The following IFT140 variants were observed in gnomAD, a reference collection of about 807,000 sequenced individuals.
IFT140 encodes the protein intraflagellar transport protein 140 homolog.
A neutral mutation model predicts 164.6 loss-of-function variants in IFT140; 133 were observed. That is an observed-to-expected ratio of 0.81 (90% CI 0.70 to 0.93). The LOEUF is 0.93. Among genes scored for constraint, IFT140 ranks in the 40% least tolerant of loss-of-function variants. The probability of loss-of-function intolerance (pLI) is 0.00; values close to 1 mark genes in which losing one functional copy is unlikely to be tolerated. For missense variants in IFT140, 2,045 were observed against 1,972.3 expected, an observed-to-expected ratio of 1.04 and a Z score of -0.70; for synonymous variants, 860 against 817.3, an observed-to-expected ratio of 1.05 and a Z score of -0.89.
chr16:1,583,348 G>A lies in IFT140; in HGVS notation c.1398C>T (p.Ile466=). 1 of 1,614,168 alleles carries A rather than the reference G, an allele frequency of 6.2e-7. No homozygotes were observed. ...VAVWNGRQVA[I]FELSGAAIRS... is the part of the protein sequence containing the mutation. The stretch of plus-strand genomic sequence containing the variant: ...GTATCGCGGCTCCAGAAAGCTCGAA[G>A]ATCGCCACCTGCCTTCCGTTCCAGA... Residue 466 remains isoleucine (I), a synonymous_variant, in exon 12 of 31, where the codon ATC becomes ATT. Transcript: ENST00000426508.
At chr16:1,545,763 G>C (rs896380011) in intron 19 of IFT140, among the ~76,000 whole-genome samples, 1 of 152,224 alleles carries the variant, frequency 6.6e-6, no homozygotes, top group Admixed American at 6.5e-5. Context: ...TGAAAGGAAG[G>C]CTCCTTGTCA....
At chr16:1,584,013 G>A (rs2034725520) in intron 11 of IFT140, among the ~76,000 whole-genome samples, 1 of 152,194 alleles carries the variant, frequency 6.6e-6, no homozygotes, top group Non-Finnish European at 1.5e-5. Flanking sequence ...GGGATTACAG[G>A]CGTCAGCCAC....
chr16:1,532,530 G>A lies in IFT140; in HGVS notation c.2400-5734C>T, dbSNP rs553250776. 4.6e-5 allele frequency: 7 copies of A among 152,382 alleles called. No homozygotes were observed. The East Asian group carries it at 1.4e-3, about 29-fold the overall frequency. 9.4% of individuals were successfully genotyped at this position (152,382 alleles called of 1,614,324 possible). ...CTGGTCCCAGGAAGTGGCAGCTCTC[G>A]GGACCGCCCTGAGCCAGGGCCCAAG... is the stretch of plus-strand genomic sequence containing the variant. On this transcript the variant is annotated intron_variant, in intron 19 of 30. Coordinates refer to ENST00000426508, the MANE Select transcript of IFT140 (RefSeq NM_014714.4).
At chr16:1,528,315 GCACGCATGCACGCACGTGTGCACACA>G (rs879264522) in intron 19 of IFT140, among the ~76,000 whole-genome samples, 13,953 of 143,660 alleles carry the variant, frequency 0.097, 1,043 homozygotes, top group African/African-American at 0.19. Flanking sequence ...ACACACACAC[GCACGCATGCACGCACGTGTGCACACA>G]CACGCATGCA....
intron 19 of IFT140, among the ~76,000 whole-genome samples, chr16:1,539,532 C>T (rs527772021): frequency 5.3e-5 from 8 of 152,272 alleles, no homozygotes; most frequent in African/African-American, 9.6e-5. Flanking sequence ...GCTGTCCGTA[C>T]GGGAACCCCT....
At chr16:1,566,093 C>T (rs1486978123) in intron 16 of IFT140, 68 bp downstream of exon 16, 6 of 1,549,570 alleles carry the variant, frequency 3.9e-6, no homozygotes, top group Admixed American at 3.4e-5. Context: ...AGCAACAACC[C>T]GCCCAGAAGC....
intron 12 of IFT140, among the ~76,000 whole-genome samples, chr16:1,582,168 G>A (rs1374556205): frequency 6.6e-6 from 1 of 152,164 alleles, no homozygotes; most frequent in Non-Finnish European, 1.5e-5. Context: ...AAGATGCCAG[G>A]TCCTGCTCCC....
intron 19 of IFT140, among the ~76,000 whole-genome samples, chr16:1,549,588 C>A (rs1015378759): frequency 6.6e-6 from 1 of 152,258 alleles, no homozygotes; most frequent in Admixed American, 6.5e-5. Context: ...CCCGCCACCA[C>A]GCCCGGCTAA....
intron 19 of IFT140, chr16:1,541,403 G>A: frequency 1.0e-6 from 1 of 985,418 alleles, no homozygotes; most frequent in Non-Finnish European, 1.2e-6. Flanking sequence ...CTGCTGGGAG[G>A]AGGGAACACC....
chr16:1,545,348 C>T (rs1363201906), intron 19 of IFT140, among the ~76,000 whole-genome samples: 1 of 151,342 alleles, frequency 6.6e-6, no homozygotes, highest in Non-Finnish European at 1.5e-5. Flanking sequence ...TTTTCTTGCC[C>T]CCACAGGCCA....
At chr16:1,579,205 G>A (rs547822972) in intron 13 of IFT140, 110 of 152,226 alleles carry the variant, frequency 7.2e-4, no homozygotes, top group African/African-American at 2.6e-3. Flanking sequence ...GGGAAAATAT[G>A]TTTACTATTT....
rs755586446 is a variant in IFT140 at position 1,562,083 on chromosome 16, C to T, written c.2101G>A (p.Glu701Lys). 1.2e-5 allele frequency: 20 copies of T among 1,610,798 alleles called. No individual in the cohort carries two copies. Among genetic ancestry groups the T allele is most frequent in the African/African-American group, 4.0e-5 (3 of 74,730 alleles). The change falls in exon 18 of 31, where the codon GAA becomes AAA. Residue 701 changes from glutamate to lysine, a missense_variant. By Grantham distance (56) the Glu-to-Lys change is moderately conservative. Transcript: ENST00000426508. ...TCATGAAGCAGGAAGCCGTGCTCTT[C>T]GGAAATGAAGAAGGACAGGATCAAA... Reference protein sequence around the residue: ...DVLILSFFISEEHGFLLHESF... With the variant: ...DVLILSFFISKEHGFLLHESF...
rs1414889543 is a variant in IFT140, at chr16:1,587,973, C to T, written c.862G>A (p.Gly288Ser). The change falls in exon 8 of 31, where the codon GGC becomes AGC. Residue 288 changes from glycine to serine, a missense_variant. Transcript: ENST00000426508. Reference sequence around the variant, plus strand: ...CCGACGGCCATCACGAGAAGGCTGCCTTCAATCAAAGCGATGTCTGCCCGG... The same window carrying T: ...CCGACGGCCATCACGAGAAGGCTGCTTTCAATCAAAGCGATGTCTGCCCGG... ...GRRADIALIE[G>S]SLLVMAVGEA... is the part of the protein sequence containing the mutation. 1 of 1,613,768 alleles carries T rather than the reference C, an allele frequency of 6.2e-7. No individual in the cohort carries two copies. The highest frequency in any genetic ancestry group is 1.7e-5 in the Admixed American group (1 of 59,978).
chr16:1,536,508 T>C (rs2031086434), intron 19 of IFT140, among the ~76,000 whole-genome samples: 1 of 152,232 alleles, frequency 6.6e-6, no homozygotes. Context: ...TCAGTGAACC[T>C]GAGCAGCGAA....
In IFT140 at chr16:1,510,876, A is replaced by G; in HGVS notation, c.*68T>C. 1 of 1,415,544 alleles carries G rather than the reference A, an allele frequency of 7.1e-7. No individual in the cohort carries two copies. The highest frequency in any genetic ancestry group is 2.4e-5 in the East Asian group (1 of 41,582). The allele number at this position is 1,415,544 out of a possible 1,614,324, so 87.7% of individuals were successfully genotyped here. ...TCCCAGCAAAAATGCTGGCTTTGCC[A>G]CAGCTGACAAAAAAATTCCAGAAGA... On this transcript the variant is annotated 3_prime_UTR_variant, in exon 31 of 31. Coordinates refer to ENST00000426508, the MANE Select transcript of IFT140 (RefSeq NM_014714.4).
chr16:1,541,653 T>A (rs533472364), intron 19 of IFT140: 1 of 335,344 alleles, frequency 3.0e-6, no homozygotes, highest in Non-Finnish European at 4.2e-6. Flanking sequence ...AATAGCAGAG[T>A]AGGGCCCGTC....
intron 19 of IFT140, 151 bp downstream of exon 19, chr16:1,557,784 T>C: frequency 1.3e-6 from 1 of 780,960 alleles, no homozygotes; most frequent in South Asian, 1.7e-5. Flanking sequence ...CTGGGCAGCA[T>C]TTCATCGAGT....
intron 15 of IFT140, 100 bp from the exon 16 acceptor site, chr16:1,566,391 C>T: frequency 9.4e-7 from 1 of 1,068,214 alleles, no homozygotes; most frequent in Non-Finnish European, 1.4e-6. Context: ...AAGAGAAACA[C>T]ACCCAGTGTC....
At chr16:1,560,884 A>G (rs1016499) in intron 18 of IFT140, among the ~76,000 whole-genome samples, 28,754 of 152,240 alleles carry the variant, frequency 0.19, 3,506 homozygotes, top group African/African-American at 0.33. Context: ...GAAGAGGCAG[A>G]GAAGACTCTG....
Sources: allele counts gnomAD v4.1 joint callset (sites outside exome capture counted in the v4.1 genomes callset), GRCh38; gene constraint gnomAD v4.1.1; transcripts MANE v1.5; gene names NCBI Gene and HGNC (gene_info 2026-07-23, HGNC 2026-07-21).